Variants in IL27 observed in about 807,000 individuals in gnomAD.
IL27 encodes interleukin-27 subunit alpha.
Under a neutral mutation model 27.0 loss-of-function variants are expected in IL27, and 11 were observed. That is an observed-to-expected ratio of 0.41 (90% CI 0.26 to 0.67). IL27 has a LOEUF of 0.67. IL27 is among the 30% of genes least tolerant of loss of function. IL27 has a pLI of 0.34. For synonymous variants in IL27, 134 were observed against 140.6 expected (o/e 0.95, Z 0.33); for missense variants, 299 against 310.4 (o/e 0.96, Z 0.28).
chr16:28,502,102 C>A lies in IL27; in HGVS notation c.336G>T (p.Thr112=). ...CCAGCAGGGCATGGAAGGGCTGAAG[C>A]GTGGTGGAGATGAAGCAGAGACGCT... ...DPERLCFIST[T]LQPFHALLGG... Residue 112 remains threonine, a synonymous_variant, in exon 4 of 5, where the codon ACG becomes ACT. Coordinates refer to ENST00000356897, the MANE Select transcript of IL27 (RefSeq NM_145659.3). The A allele has an allele frequency of 4.3e-6, 7 of 1,612,684 alleles. No homozygotes were observed. Among genetic ancestry groups the A allele is most frequent in the Non-Finnish European group, 5.9e-6 (7 of 1,179,406 alleles).
intron 3 of IL27, 62 bp from the exon 4 acceptor site, chr16:28,502,196 C>T: frequency 6.8e-7 from 1 of 1,460,980 alleles, no homozygotes; most frequent in Non-Finnish European, 9.2e-7. Flanking sequence ...ATCACACCCA[C>T]CCCCTCCCTA....
At chr16:28,503,146 T>C (rs1318738053) in intron 3 of IL27, among the ~76,000 whole-genome samples, 3 of 152,032 alleles carry the variant, frequency 2.0e-5, no homozygotes, top group Non-Finnish European at 2.9e-5. Context: ...TTAGTAGAGA[T>C]GGGGTTTCGC....
At chr16:28,499,975 T>TAG in intron 4 of IL27, 55 bp from the exon 5 acceptor site, 8 of 1,483,166 alleles carry the variant, frequency 5.4e-6, no homozygotes, top group Non-Finnish European at 7.2e-6. Flanking sequence ...CTGAGAGGAA[T>TAG]CCTCATTCCC....
chr16:28,500,981 C>T (rs146717603), intron 4 of IL27, among the ~76,000 whole-genome samples: 26 of 152,196 alleles, frequency 1.7e-4, no homozygotes, highest in African/African-American at 5.5e-4. Flanking sequence ...GGGCAGAGCG[C>T]GAGGTCAGGA....
chr16:28,506,206 C>CTT, intron 1 of IL27, among the ~76,000 whole-genome samples: 2 of 152,174 alleles, frequency 1.3e-5, no homozygotes, highest in Admixed American at 6.5e-5. Context: ...CCTTTGAAGG[C>CTT]TCTGTCTCCA....
intron 3 of IL27, among the ~76,000 whole-genome samples, chr16:28,503,423 A>C (rs1035097383): frequency 6.6e-6 from 1 of 151,714 alleles, no homozygotes; most frequent in Non-Finnish European, 1.5e-5. Flanking sequence ...CTAACTCTTA[A>C]ATTTTTTTTT....
chr16:28,504,243 C>G (rs1000834978), intron 1 of IL27, among the ~76,000 whole-genome samples, 193 bp from the exon 2 acceptor site: 1 of 152,158 alleles, frequency 6.6e-6, no homozygotes, highest in African/African-American at 2.4e-5. Flanking sequence ...TTTAGGAGAC[C>G]GAGGCGGGCG....
intron 3 of IL27, among the ~76,000 whole-genome samples, chr16:28,503,042 G>A (rs551909832): frequency 2.6e-5 from 4 of 152,172 alleles, no homozygotes; most frequent in East Asian, 3.9e-4. Flanking sequence ...GGCTGGTCTC[G>A]AACTCCTGAC....
At chr16:28,503,204 C>A (rs1056511212) in intron 3 of IL27, among the ~76,000 whole-genome samples, 7 of 152,074 alleles carry the variant, frequency 4.6e-5, no homozygotes. Context: ...GTGATCCGTG[C>A]TCCTCAGCCT....
chr16:28,506,746 T>C, intron 1 of IL27, 35 bp downstream of exon 1: 1 of 1,604,418 alleles, frequency 6.2e-7, no homozygotes, highest in Non-Finnish European at 8.5e-7. Context: ...CTGCCCAAAC[T>C]CAACCAAGCC....
intron 1 of IL27, among the ~76,000 whole-genome samples, chr16:28,505,720 C>T (rs1446498183): frequency 1.3e-5 from 2 of 152,134 alleles, no homozygotes; most frequent in African/African-American, 4.8e-5. Flanking sequence ...TCAATTTCCC[C>T]CTCAGGGAGA....
At chr16:28,501,912 T>G in intron 4 of IL27, 64 bp downstream of exon 4, 1 of 1,544,598 alleles carries the variant, frequency 6.5e-7, no homozygotes, top group East Asian at 2.3e-5. Context: ...ATGGGATCAC[T>G]GAATGAGCCA....
Position 28,506,815 on chromosome 16 carries a change from G to A in IL27, c.-4C>T, listed in dbSNP as rs745523379. On this transcript the variant is annotated 5_prime_UTR_variant, in exon 1 of 5. Transcript: ENST00000356897. Reference sequence around the variant, plus strand: ...GGTCGCCTGCCGTCTGGCCCATGGCGGGGCCCAGCCTCTTTGGTCAGCCAT... The same window carrying A: ...GGTCGCCTGCCGTCTGGCCCATGGCAGGGCCCAGCCTCTTTGGTCAGCCAT... The A allele has an allele frequency of 1.3e-4, 210 of 1,611,546 alleles. 3 individuals carry two copies. The Admixed American group carries it at 3.1e-3, about 24-fold the overall frequency.
At chr16:28,500,236 G>A (rs898210698) in intron 4 of IL27, among the ~76,000 whole-genome samples, 10 of 152,154 alleles carry the variant, frequency 6.6e-5, no homozygotes, top group African/African-American at 2.2e-4. Context: ...TCAGCAACAG[G>A]CAGAGGGTGA....
chr16:28,503,018 C>CA (rs2046441399), intron 3 of IL27, among the ~76,000 whole-genome samples: 1 of 152,126 alleles, frequency 6.6e-6, no homozygotes, highest in Non-Finnish European at 1.5e-5. Flanking sequence ...GGTGGGGTTT[C>CA]TTCATGTTGG....
chr16:28,504,602 T>C (rs1350753051), intron 1 of IL27, among the ~76,000 whole-genome samples: 1 of 142,424 alleles, frequency 7.0e-6, no homozygotes, highest in Non-Finnish European at 1.5e-5. Flanking sequence ...TTTTTTTTTT[T>C]GAAACAGAGT....
intron 1 of IL27, among the ~76,000 whole-genome samples, chr16:28,504,764 G>T (rs781378099): frequency 3.3e-5 from 5 of 151,914 alleles, no homozygotes; most frequent in Non-Finnish European, 7.4e-5. Context: ...CTATTTTTTT[G>T]TAGAGACAGG....
At chr16:28,501,724 C>A (rs1318134811) in intron 4 of IL27, among the ~76,000 whole-genome samples, 1 of 146,060 alleles carries the variant, frequency 6.8e-6, no homozygotes, top group Non-Finnish European at 1.5e-5. Flanking sequence ...CACACTCTCA[C>A]ACTCACAGAC....
At position 28,502,027 on chromosome 16, in the gene IL27, C is replaced by T. The variant is rs1055478409; in HGVS notation, c.411G>A (p.Leu137=). ...CGCGGAGGTCCAGCCTCATGGCCCA[C>T]AGCTGCATCCTCTCCATGTTGGTCC... ...GRWTNMERMQ[L]WAMRLDLRDL... is the part of the protein sequence containing the mutation. Residue 137 remains leucine, a synonymous_variant, in exon 4 of 5, where the codon CTG becomes CTA. Transcript: ENST00000356897. 1.2e-6 allele frequency: 2 copies of T among 1,612,834 alleles called. No individual in the cohort carries two copies. The highest frequency in any genetic ancestry group is 1.7e-5 in the Admixed American group (1 of 60,018).
Sources: gnomAD v4.1 joint callset for allele counts (sites outside exome capture counted in the v4.1 genomes callset) on GRCh38, gnomAD v4.1.1 for gene constraint, MANE v1.5 for transcripts, NCBI Gene and HGNC (gene_info 2026-07-23, HGNC 2026-07-21) for gene names.